The following BLMH variants were observed in gnomAD, a reference collection of about 807,000 sequenced individuals.
BLMH encodes the protein bleomycin hydrolase, also known as BLM hydrolase.
A neutral mutation model predicts 61.6 loss-of-function variants in BLMH; 32 were observed. That is an observed-to-expected ratio of 0.52 (90% CI 0.39 to 0.70). BLMH has a LOEUF of 0.70. Ranked by LOEUF, BLMH falls within the 30% of genes least tolerant of loss-of-function variation. The probability of loss-of-function intolerance (pLI) is 0.00; values close to 1 mark genes in which losing one functional copy is unlikely to be tolerated. For missense variants in BLMH, 460 were observed against 555.5 expected (o/e 0.83, Z 1.73); for synonymous variants, 183 against 193.8 (o/e 0.94, Z 0.46).
rs550310448 is a variant in BLMH, at chr17:30,270,263, G to A, written c.1146+1008C>T. On this transcript the variant is annotated intron_variant, in intron 10 of 11. Transcript: ENST00000261714. ...GCCTGTAATCCCAGCACTTTGGGAA[G>A]CTGAGGCGGGCAGATCACCTGAGGT... 8.5e-5 allele frequency among the ~76,000 whole-genome samples: 13 copies of A among 152,332 alleles called. No individual in the cohort carries two copies. In the South Asian group the frequency reaches 2.5e-3, roughly 29 times the overall value.
At chr17:30,272,531 G>T in intron 9 of BLMH, 30 bp downstream of exon 9, 1 of 1,612,408 alleles carries the variant, frequency 6.2e-7, no homozygotes, top group South Asian at 1.1e-5. Flanking sequence ...ACCCACAAAT[G>T]ACTTTCCATT....
At position 30,272,751 on chromosome 17, in the gene BLMH, T is replaced by C. The variant is rs1263491903; in HGVS notation, c.950A>G (p.Lys317Arg). 2 of 1,614,076 alleles carry C rather than the reference T, an allele frequency of 1.2e-6. No individual in the cohort carries two copies. Among genetic ancestry groups the C allele is most frequent in the Non-Finnish European group, 1.7e-6 (2 of 1,180,044 alleles). Residue 317 changes from lysine (K) to arginine (R), a missense_variant, in exon 8 of 12, where the codon AAA becomes AGA. Around this residue, in one of 5 missense-constraint regions of BLMH, gnomAD observed 310 missense variants for 371.1 expected, o/e 0.84. Transcript: ENST00000261714. ...AGAAACAATACCAACCTCTCCATCT[T>C]TGATGGAGGCAGCAACCATCTTTTT... ...FLKKMVAASI[K>R]DGEAVWFGCD...
intron 6 of BLMH, among the ~76,000 whole-genome samples, chr17:30,277,791 G>A (rs1908462209): frequency 6.6e-6 from 1 of 152,102 alleles, no homozygotes; most frequent in Admixed American, 6.5e-5. Flanking sequence ...ATACATTAGA[G>A]GAAATATGCA....
At chr17:30,287,704 C>G in intron 4 of BLMH, 102 bp downstream of exon 4, 1 of 1,345,464 alleles carries the variant, frequency 7.4e-7, no homozygotes, top group African/African-American at 1.5e-5. Flanking sequence ...TCTTGGAGAC[C>G]AATTCTACTC....
intron 10 of BLMH, among the ~76,000 whole-genome samples, chr17:30,270,501 CAA>C (rs5819891): frequency 0.022 from 1,599 of 72,042 alleles, 27 homozygotes; most frequent in African/African-American, 0.063. Context: ...GACTCCATCT[CAA>C]AAAAAAAAAA....
At chr17:30,270,521 G>T (rs1291465679) in intron 10 of BLMH, among the ~76,000 whole-genome samples, 3 of 149,290 alleles carry the variant, frequency 2.0e-5, no homozygotes, top group East Asian at 2.0e-4. Context: ...AAAAAAAAAT[G>T]ATTTTCTAGA....
chr17:30,285,039 A>G (rs1908689830), intron 6 of BLMH, among the ~76,000 whole-genome samples: 1 of 152,206 alleles, frequency 6.6e-6, no homozygotes, highest in South Asian at 2.1e-4. Context: ...TCATCATTAT[A>G]GATGTGTTTT....
intron 11 of BLMH, among the ~76,000 whole-genome samples, chr17:30,260,858 G>C (rs569731183): frequency 6.6e-6 from 1 of 152,188 alleles, no homozygotes; most frequent in Non-Finnish European, 1.5e-5. Context: ...ACTCCAGCCT[G>C]GGTAGACAGA....
chr17:30,273,947 A>T (rs1908348096), intron 7 of BLMH, 95 bp downstream of exon 7: 1 of 1,439,728 alleles, frequency 6.9e-7, no homozygotes, highest in East Asian at 2.3e-5. Context: ...CTAGTTTGAT[A>T]CTCATACATG....
chr17:30,262,119 T>C (rs111640194), intron 11 of BLMH, among the ~76,000 whole-genome samples: 1,801 of 152,310 alleles, frequency 0.012, 38 homozygotes, highest in African/African-American at 0.041. Flanking sequence ...TTTCCTTCAG[T>C]GAACATTGCA....
intron 6 of BLMH, among the ~76,000 whole-genome samples, chr17:30,282,924 G>C (rs2143034302): frequency 6.6e-6 from 1 of 152,314 alleles, no homozygotes; most frequent in Admixed American, 6.5e-5. Flanking sequence ...ACAATCTTTG[G>C]GAGGCTAAGG....
intron 11 of BLMH, among the ~76,000 whole-genome samples, chr17:30,255,900 A>AG (rs1907800070): frequency 6.6e-6 from 1 of 152,188 alleles, no homozygotes; most frequent in South Asian, 2.1e-4. Flanking sequence ...CCGTCTCAAA[A>AG]AAAAGAGAGA....
At position 30,291,384 on chromosome 17, in the gene BLMH, C is replaced by T; in HGVS notation, c.138G>A (p.Val46=). 1 of 1,614,030 alleles carries T rather than the reference C, an allele frequency of 6.2e-7. No homozygotes were observed. The highest frequency in any genetic ancestry group is 1.3e-5 in the African/African-American group (1 of 75,054). The part of the protein sequence containing the change: ...LLDICLKRAT[V]QRAQHVFQHA... Reference sequence around the variant, plus strand: ...GCTGGAACACATGCTGCGCGCGCTGCACCGTGGCCCGCTTCAGACAGATGT... The same window carrying T: ...GCTGGAACACATGCTGCGCGCGCTGTACCGTGGCCCGCTTCAGACAGATGT... The change falls in exon 2 of 12, where the codon GTG becomes GTA. Residue 46 remains valine, a synonymous_variant. Coordinates refer to ENST00000261714, the MANE Select transcript of BLMH (RefSeq NM_000386.4).
chr17:30,265,151 A>G (rs1908065475), intron 11 of BLMH, among the ~76,000 whole-genome samples: 1 of 152,238 alleles, frequency 6.6e-6, no homozygotes, highest in African/African-American at 2.4e-5. Flanking sequence ...ATTTGTTTAC[A>G]TATAAACACT....
intron 9 of BLMH, chr17:30,272,266 C>T (rs1908296550): frequency 1.2e-5 from 5 of 423,754 alleles, no homozygotes; most frequent in Admixed American, 3.8e-5. Context: ...AACACATTTC[C>T]GCAATAGTCA....
rs751644746 is a variant in BLMH at position 30,286,798 on chromosome 17, G to A, written c.552+16C>T. The A allele has an allele frequency of 2.6e-6, 4 of 1,542,160 alleles. No individual in the cohort carries two copies. The highest frequency in any genetic ancestry group is 3.4e-5 in the Admixed American group (2 of 59,150). On this transcript the variant is annotated intron_variant, in intron 5 of 11. Transcript: ENST00000261714. The stretch of plus-strand genomic sequence containing the variant: ...AGTACACTAAACTCAATCCCACCCT[G>A]CTTCATATATTGTACCTTGTGATTC...
At chr17:30,250,224 A>C (rs1174693412) in intron 11 of BLMH, 1 of 152,248 alleles carries the variant, frequency 6.6e-6, no homozygotes, top group African/African-American at 2.4e-5. Context: ...AAAAACATAA[A>C]TAAATGGGAC....
At position 30,249,113 on chromosome 17, in the gene BLMH, C is replaced by G. The variant is rs758702032; in HGVS notation, c.1272G>C (p.Val424=). The G allele has an allele frequency of 6.2e-7, 1 of 1,614,116 alleles. No individual in the cohort carries two copies. The highest frequency in any genetic ancestry group is 1.1e-5 in the South Asian group (1 of 91,082). Residue 424 remains valine (V), a synonymous_variant, in exon 12 of 12, where the codon GTG becomes GTC. Transcript: ENST00000261714. ...WFSEYVYEVV[V]DRKHVPEEVL... is the part of the protein sequence containing the mutation. ...CCTCTTCAGGGACATGCTTCCTGTC[C>G]ACCACCACTTCGTAGACATACTCAG...
intron 11 of BLMH, among the ~76,000 whole-genome samples, chr17:30,256,902 T>C (rs1165915913): frequency 6.6e-6 from 1 of 152,216 alleles, no homozygotes; most frequent in African/African-American, 2.4e-5. Flanking sequence ...AGGTATCCAC[T>C]GGGTGAAGCA....
Sources: allele counts gnomAD v4.1 joint callset (sites outside exome capture counted in the v4.1 genomes callset), GRCh38; gene constraint gnomAD v4.1.1; regional missense constraint gnomAD v4.1.1; transcripts MANE v1.5; gene names NCBI Gene and HGNC (gene_info 2026-07-23, HGNC 2026-07-21).